CR1: variants seen among roughly 807,000 people sequenced by gnomAD.
The protein encoded by CR1 is complement C3b/C4b receptor 1 (Knops blood group), also known as complement receptor type 1.
In CR1, 116 loss-of-function variants were observed where a neutral mutation model predicts 187.3. The ratio of observed to expected loss-of-function variants is 0.62; its 90% CI spans 0.53 to 0.72. The LOEUF (loss-of-function observed/expected upper bound fraction) is 0.72, where lower values mean the gene tolerates loss of function less well. Ranked by LOEUF, CR1 falls within the 30% of genes least tolerant of loss-of-function variation. CR1 has a pLI of 0.00. For synonymous variants in CR1, 576 were observed against 747.1 expected, an observed-to-expected ratio of 0.77 and a Z score of 3.73; for missense variants, 1,731 against 2,110.7, an observed-to-expected ratio of 0.82 and a Z score of 3.52.
intron 3 of CR1, among the ~76,000 whole-genome samples, chr1:207,508,919 T>G (rs561919256): frequency 6.6e-6 from 1 of 152,306 alleles, no homozygotes; most frequent in South Asian, 2.1e-4. Flanking sequence ...CCTATGTAAG[T>G]GATACCTTAT....
chr1:207,517,208 C>T (rs747427069), intron 4 of CR1, among the ~76,000 whole-genome samples: 16 of 151,968 alleles, frequency 1.1e-4, no homozygotes, highest in African/African-American at 2.9e-4. Flanking sequence ...AAAAGACAAA[C>T]GCTGAATTCC....
chr1:207,524,800 C>T (rs942503629), intron 5 of CR1, among the ~76,000 whole-genome samples: 14 of 151,874 alleles, frequency 9.2e-5, no homozygotes, highest in Admixed American at 3.9e-4. Context: ...CTTGGCTTTG[C>T]TCATCAGCAT....
At chr1:207,588,450 C>T (rs189249382) in intron 34 of CR1, among the ~76,000 whole-genome samples, 16 of 152,260 alleles carry the variant, frequency 1.1e-4, no homozygotes, top group Admixed American at 9.2e-4. Context: ...GGATTACAGG[C>T]GAGAGCCCAT....
intron 35 of CR1, among the ~76,000 whole-genome samples, chr1:207,590,075 C>G (rs1245476917): frequency 6.6e-6 from 1 of 152,168 alleles, no homozygotes; most frequent in Admixed American, 6.5e-5. Context: ...CCTAGCAAGA[C>G]AGTCCAGCAT....
At chr1:207,592,360 T>C (rs1661296491) in intron 35 of CR1, among the ~76,000 whole-genome samples, 1 of 152,220 alleles carries the variant, frequency 6.6e-6, no homozygotes. Flanking sequence ...ATTATCTCAA[T>C]AGATGCAGAC....
intron 24 of CR1, among the ~76,000 whole-genome samples, chr1:207,566,292 C>A (rs1042553893): frequency 3.4e-5 from 5 of 146,162 alleles, no homozygotes; most frequent in Admixed American, 6.7e-5. Context: ...TCCTTCTCCC[C>A]TTTCTTCTTT....
chr1:207,591,355 G>A (rs572271983), intron 35 of CR1, among the ~76,000 whole-genome samples: 1 of 152,270 alleles, frequency 6.6e-6, no homozygotes, highest in East Asian at 1.9e-4. Context: ...TGACTACTGG[G>A]TAAATAACGA....
At chr1:207,593,671 C>A (rs935930480) in intron 35 of CR1, among the ~76,000 whole-genome samples, 4 of 152,176 alleles carry the variant, frequency 2.6e-5, no homozygotes, top group African/African-American at 7.2e-5. Flanking sequence ...AGTGAACAGA[C>A]AACCTACAGA....
chr1:207,522,920 T>C (rs1293779871), intron 4 of CR1, among the ~76,000 whole-genome samples: 1 of 152,194 alleles, frequency 6.6e-6, no homozygotes, highest in African/African-American at 2.4e-5. Flanking sequence ...GGGGTTTTTG[T>C]GGACTAATAT....
intron 23 of CR1, 48 bp downstream of exon 23, chr1:207,564,282 G>A (rs1571535001): frequency 2.5e-6 from 4 of 1,594,402 alleles, no homozygotes; most frequent in African/African-American, 3.1e-5. Flanking sequence ...TTGGGGTTGG[G>A]AATCAGTCTA....
intron 35 of CR1, among the ~76,000 whole-genome samples, chr1:207,606,305 C>T (rs187728038): frequency 5.9e-5 from 9 of 152,264 alleles, no homozygotes; most frequent in Admixed American, 1.3e-4. Flanking sequence ...TGGCTATGCC[C>T]GGCTGTAAGG....
intron 35 of CR1, chr1:207,606,066 A>G (rs1661741497): frequency 6.6e-6 from 1 of 152,264 alleles, no homozygotes; most frequent in Non-Finnish European, 1.5e-5. Context: ...AAATCACGAA[A>G]GTAGGCAGTC....
At chr1:207,604,866 G>A (rs994566855) in intron 35 of CR1, among the ~76,000 whole-genome samples, 7 of 152,148 alleles carry the variant, frequency 4.6e-5, no homozygotes, top group Middle Eastern at 3.2e-3. Flanking sequence ...GAGAGGTGGG[G>A]AGCTGAGATT....
At chr1:207,603,260 A>G (rs1661656691) in intron 35 of CR1, among the ~76,000 whole-genome samples, 1 of 152,136 alleles carries the variant, frequency 6.6e-6, no homozygotes, top group African/African-American at 2.4e-5. Flanking sequence ...TACTTCTACG[A>G]GTTCAACTAT....
intron 1 of CR1, among the ~76,000 whole-genome samples, chr1:207,503,579 T>C (rs1374731915): frequency 6.6e-6 from 1 of 152,182 alleles, no homozygotes; most frequent in Non-Finnish European, 1.5e-5. Flanking sequence ...TGTCTCTGAA[T>C]ATCCTTCTTC....
At position 207,640,579 on chromosome 1, in the gene CR1, A is replaced by G. The variant is rs907828550; in HGVS notation, c.*1170A>G. 6.6e-6 allele frequency: 1 copy of G among 152,264 alleles called. No homozygotes were observed. Among genetic ancestry groups the G allele is most frequent in the African/African-American group, 2.4e-5 (1 of 41,476 alleles). 9.4% of individuals were successfully genotyped at this position (152,264 alleles called of 1,614,324 possible). A position where few individuals can be genotyped will look rare whatever the true frequency, so the allele number is the denominator to read the frequency against. On this transcript the variant is annotated 3_prime_UTR_variant, in exon 47 of 47. Transcript: ENST00000367049. ...GTATGGATTCAGAATATACTAAATT[A>G]ACTTTTTAAAACACAACTTTTAAAA...
chr1:207,591,964 AC>A (rs1661285662), intron 35 of CR1, among the ~76,000 whole-genome samples: 1 of 152,208 alleles, frequency 6.6e-6, no homozygotes, highest in Non-Finnish European at 1.5e-5. Context: ...TAGCCTACCA[AC>A]CAAAAAAAGC....
At chr1:207,588,488 T>C (rs771569619) in intron 34 of CR1, among the ~76,000 whole-genome samples, 187 bp from the exon 35 acceptor site, 13 of 152,196 alleles carry the variant, frequency 8.5e-5, no homozygotes, top group Non-Finnish European at 1.5e-4. Flanking sequence ...AGGTGCAAGA[T>C]AGTCTTTTTC....
At chr1:207,617,540 T>TGTA (rs1662154899) in intron 41 of CR1, among the ~76,000 whole-genome samples, 5 of 101,616 alleles carry the variant, frequency 4.9e-5, no homozygotes, top group Non-Finnish European at 1.0e-4. Flanking sequence ...TGTGTGTGTA[T>TGTA]GTGTGTATAT....
Sources: allele counts gnomAD v4.1 joint callset (sites outside exome capture counted in the v4.1 genomes callset), GRCh38; gene constraint gnomAD v4.1.1; transcripts MANE v1.5; gene names NCBI Gene and HGNC (gene_info 2026-07-23, HGNC 2026-07-21).